Variants in WWOX observed in about 807,000 individuals in gnomAD.
WWOX encodes the protein WW domain-containing oxidoreductase.
WWOX carries 69 observed loss-of-function variants against 46.2 expected under a neutral mutation model. That is an observed-to-expected ratio of 1.49 (90% CI 1.23 to 1.82). WWOX has a LOEUF of 1.82. Ranked by LOEUF, WWOX falls within the 40% of genes most tolerant of loss-of-function variation. The pLI is 0.00. For synonymous variants in WWOX, 359 were observed against 202.6 expected, an observed-to-expected ratio of 1.77 and a Z score of -6.56; for missense variants, 919 against 542.6, an observed-to-expected ratio of 1.69 and a Z score of -6.89.
chr16:78,740,912 G>GA (rs960156038), intron 8 of WWOX, among the ~76,000 whole-genome samples: 2 of 152,038 alleles, frequency 1.3e-5, no homozygotes, highest in African/African-American at 4.8e-5. Context: ...AACCCTCACA[G>GA]AAAAAATAAG....
intron 8 of WWOX, among the ~76,000 whole-genome samples, chr16:79,041,962 G>T (rs2047979779): frequency 6.6e-6 from 1 of 151,930 alleles, no homozygotes; most frequent in South Asian, 2.1e-4. Flanking sequence ...GAAATGAATG[G>T]GAAGTTCACC....
chr16:78,530,961 G>T (rs534264796), intron 8 of WWOX, among the ~76,000 whole-genome samples: 1 of 152,154 alleles, frequency 6.6e-6, no homozygotes, highest in South Asian at 2.1e-4. Context: ...AAAAAGTTAG[G>T]CTCTGAGAAT....
chr16:78,551,695 G>C (rs1467171630), intron 8 of WWOX: 1 of 149,560 alleles, frequency 6.7e-6, no homozygotes, highest in Admixed American at 6.7e-5. Context: ...CAGGCAGGCT[G>C]AGGAGCGCTT....
At chr16:78,782,124 C>G (rs1193231805) in intron 8 of WWOX, among the ~76,000 whole-genome samples, 4 of 152,144 alleles carry the variant, frequency 2.6e-5, no homozygotes, top group Admixed American at 2.0e-4. Context: ...TAAATCACCA[C>G]CTTCACTGGC....
intron 8 of WWOX, among the ~76,000 whole-genome samples, chr16:78,781,577 A>G (rs908662042): frequency 6.6e-6 from 1 of 152,194 alleles, no homozygotes; most frequent in African/African-American, 2.4e-5. Context: ...AAACATGTTT[A>G]TCTATCCCCC....
chr16:78,671,990 G>C (rs367601140), intron 8 of WWOX, among the ~76,000 whole-genome samples: 1 of 152,050 alleles, frequency 6.6e-6, no homozygotes, highest in African/African-American at 2.4e-5. Flanking sequence ...AGTCTACTAC[G>C]CAAAAGCAGG....
intron 8 of WWOX, among the ~76,000 whole-genome samples, chr16:78,461,422 A>G (rs965826762): frequency 3.3e-5 from 5 of 152,230 alleles, no homozygotes; most frequent in African/African-American, 1.2e-4. Flanking sequence ...GTATTTATAG[A>G]TGGTAGAGAA....
chr16:78,794,922 G>A (rs1438779701), intron 8 of WWOX, among the ~76,000 whole-genome samples: 1 of 152,184 alleles, frequency 6.6e-6, no homozygotes, highest in African/African-American at 2.4e-5. Flanking sequence ...CCCTGTGCCT[G>A]GCATACTGCA....
intron 5 of WWOX, among the ~76,000 whole-genome samples, chr16:78,329,750 C>CTT (rs1020813386): frequency 1.2e-4 from 17 of 142,930 alleles, no homozygotes; most frequent in Non-Finnish European, 1.5e-4. Flanking sequence ...CTTTTTCTTT[C>CTT]TTTTTTTTTT....
intron 8 of WWOX, among the ~76,000 whole-genome samples, chr16:79,044,906 A>G (rs965217712): frequency 1.3e-5 from 2 of 151,772 alleles, no homozygotes; most frequent in Non-Finnish European, 2.9e-5. Flanking sequence ...GAATGAGGCT[A>G]ATGCTAGTGC....
chr16:79,050,902 A>T (rs184302315), intron 8 of WWOX, among the ~76,000 whole-genome samples: 6 of 152,284 alleles, frequency 3.9e-5, no homozygotes, highest in Admixed American at 3.9e-4. Context: ...CATCAATATA[A>T]GCCCCATAAA....
rs151061651 is a variant in WWOX, at chr16:78,408,001, G to C, written c.606-16869G>C. ...AAGTCCCCTGTCCCTGCTCAAGTTG[G>C]TATGACTGGTGTATGGTGCCTTAAT... is the stretch of plus-strand genomic sequence containing the variant. On this transcript the variant is annotated intron_variant, in intron 6 of 8. Coordinates refer to ENST00000566780, the MANE Select transcript of WWOX (RefSeq NM_016373.4). Among the ~76,000 whole-genome samples the C allele has an allele frequency of 5.6e-4, 86 of 152,274 alleles. 1 individual carries two copies. The highest frequency in any genetic ancestry group is 2.0e-3 in the African/African-American group (82 of 41,550).
At chr16:78,815,072 C>T (rs1447658437) in intron 8 of WWOX, among the ~76,000 whole-genome samples, 1 of 152,212 alleles carries the variant, frequency 6.6e-6, no homozygotes, top group Non-Finnish European at 1.5e-5. Flanking sequence ...CGCCTGTAAT[C>T]CCAACACTTC....
intron 8 of WWOX, among the ~76,000 whole-genome samples, chr16:79,011,771 G>T (rs1037045840): frequency 1.3e-4 from 20 of 152,120 alleles, no homozygotes; most frequent in African/African-American, 4.6e-4. Flanking sequence ...GGGATTACAG[G>T]CATGAGCCAC....
intron 5 of WWOX, among the ~76,000 whole-genome samples, chr16:78,319,666 G>A (rs546726408): frequency 6.6e-5 from 10 of 152,228 alleles, no homozygotes; most frequent in African/African-American, 2.4e-4. Flanking sequence ...ACATAGCAAT[G>A]GAAAAATAAA....
intron 8 of WWOX, among the ~76,000 whole-genome samples, chr16:78,678,010 G>A (rs145507995): frequency 7.9e-5 from 12 of 152,148 alleles, no homozygotes; most frequent in South Asian, 6.2e-4. Flanking sequence ...AAACTCTGCC[G>A]TCCCTGAATC....
chr16:78,635,955 G>C (rs1176825876), intron 8 of WWOX, among the ~76,000 whole-genome samples: 2 of 152,132 alleles, frequency 1.3e-5, no homozygotes, highest in African/African-American at 4.8e-5. Flanking sequence ...GAAGTACAGA[G>C]GAAGCCTTGG....
At chr16:79,080,474 C>T (rs1001147647) in intron 8 of WWOX, among the ~76,000 whole-genome samples, 7 of 152,122 alleles carry the variant, frequency 4.6e-5, no homozygotes, top group Non-Finnish European at 1.0e-4. Context: ...CTTCTCTTGC[C>T]ACAAATCAGC....
At position 78,422,852 on chromosome 16, in the gene WWOX, C is replaced by T. The variant is rs1470776470; in HGVS notation, c.606-2018C>T. On this transcript the variant is annotated intron_variant, in intron 6 of 8. Coordinates refer to ENST00000566780, the MANE Select transcript of WWOX (RefSeq NM_016373.4). ...ATATATATATATACATATACACACACACACACACACACACACACACACACA... is the reference window on the plus strand; with the variant it reads ...ATATATATATATACATATACACACATACACACACACACACACACACACACA... Among the ~76,000 whole-genome samples the T allele has an allele frequency of 1.6e-3, 177 of 109,226 alleles. 9 individuals are homozygous for T. Among genetic ancestry groups the T allele is most frequent in the African/African-American group, 9.3e-3 (159 of 17,040 alleles). 71.7% of individuals were successfully genotyped at this position (109,226 alleles called of 152,430 possible). A position where few individuals can be genotyped will look rare whatever the true frequency, so the allele number is the denominator to read the frequency against.
Sources: allele counts gnomAD v4.1 joint callset (sites outside exome capture counted in the v4.1 genomes callset), GRCh38; gene constraint gnomAD v4.1.1; transcripts MANE v1.5; gene names NCBI Gene and HGNC (gene_info 2026-07-23, HGNC 2026-07-21).